The following LTA4H variants were observed in gnomAD, a reference collection of about 807,000 sequenced individuals.
LTA4H encodes the protein leukotriene A-4 hydrolase.
LTA4H carries 59 observed loss-of-function variants against 89.8 expected under a neutral mutation model. That is an observed-to-expected ratio of 0.66 (90% CI 0.53 to 0.82). The LOEUF (loss-of-function observed/expected upper bound fraction) is 0.82. LTA4H is among the 40% of genes least tolerant of loss of function. The pLI is 0.00. For missense variants in LTA4H, 617 were observed against 727.0 expected (o/e 0.85, Z 1.74); for synonymous variants, 227 against 253.1 (o/e 0.90, Z 0.98).
At chr12:96,027,708 C>CCACTGATGGG in intron 2 of LTA4H, 144 bp from the exon 3 acceptor site, 1 of 447,036 alleles carries the variant, frequency 2.2e-6, no homozygotes, top group South Asian at 3.2e-5. Context: ...ATGCCACATC[C>CCACTGATGGG]TCAGTGGGTA....
At chr12:96,025,872 T>C (rs975441043) in intron 3 of LTA4H, among the ~76,000 whole-genome samples, 8 of 151,528 alleles carry the variant, frequency 5.3e-5, no homozygotes, top group African/African-American at 1.9e-4. Flanking sequence ...ACCCGGTCTG[T>C]TTACAAATAA....
In LTA4H at chr12:96,035,475, G is replaced by A; in HGVS notation, c.45C>T (p.Ser15=). ...GGTGCAGGTGCTTGGTCCGGCAGAC[G>A]GAAGCCGGAGAGGCCAACGAACAGG... ...VDTCSLASPA[S]VCRTKHLHLR... is the part of the protein sequence containing the mutation. Residue 15 remains serine, a synonymous_variant, in exon 1 of 19, where the codon TCC becomes TCT. Coordinates refer to ENST00000228740, the MANE Select transcript of LTA4H (RefSeq NM_000895.3). 2.5e-6 allele frequency: 4 copies of A among 1,609,072 alleles called. No individual in the cohort carries two copies. Among genetic ancestry groups the A allele is most frequent in the Non-Finnish European group, 3.4e-6 (4 of 1,177,814 alleles).
chr12:96,014,638 G>A (rs1458326980), intron 12 of LTA4H, among the ~76,000 whole-genome samples: 2 of 152,032 alleles, frequency 1.3e-5, no homozygotes, highest in African/African-American at 2.4e-5. Context: ...AAACTGATGA[G>A]ATTTTTTAAA....
upstream of LTA4H, among the ~76,000 whole-genome samples, chr12:96,038,209 C>T (rs976677943): frequency 1.3e-5 from 2 of 151,982 alleles, no homozygotes; most frequent in Non-Finnish European, 2.9e-5. Context: ...TCAAAAGTGA[C>T]GAAATTTAGC....
chr12:96,013,074 C>T (rs1950326674), intron 14 of LTA4H, 114 bp downstream of exon 14: 2 of 805,122 alleles, frequency 2.5e-6, no homozygotes, highest in Non-Finnish European at 4.2e-6. Flanking sequence ...AAGAACTCTG[C>T]TTTCATCATT....
chr12:96,007,120 G>C (rs1355028645), intron 15 of LTA4H, among the ~76,000 whole-genome samples: 17 of 152,124 alleles, frequency 1.1e-4, no homozygotes, highest in Admixed American at 1.1e-3. Context: ...CTGTCTCCAA[G>C]TACTACTCCT....
chr12:96,006,502 A>G, intron 15 of LTA4H, 93 bp from the exon 16 acceptor site: 2 of 643,508 alleles, frequency 3.1e-6, no homozygotes, highest in Non-Finnish European at 5.3e-6. Flanking sequence ...TGAGAAAAAG[A>G]ACCATATGAA....
intron 6 of LTA4H, chr12:96,020,750 A>G (rs1364473965): frequency 5.3e-6 from 1 of 187,786 alleles, no homozygotes; most frequent in African/African-American, 2.4e-5. Context: ...TTTGTTTCAC[A>G]TAACCACCCT....
At position 96,030,902 on chromosome 12, in the gene LTA4H, T is replaced by C. The variant is rs895853682; in HGVS notation, c.160-1717A>G. Among the ~76,000 whole-genome samples the C allele has an allele frequency of 3.9e-5, 6 of 152,320 alleles. 1 individual carries two copies. Among genetic ancestry groups the C allele is most frequent in the Admixed American group, 3.9e-4 (6 of 15,296 alleles). On this transcript the variant is annotated intron_variant, in intron 1 of 18. Transcript: ENST00000228740. ...CATATTCTAGTACCTCTCTAGTCTCTTCATAGTCTAGTACCTAGTTCTGAA... is the reference window on the plus strand; with the variant it reads ...CATATTCTAGTACCTCTCTAGTCTCCTCATAGTCTAGTACCTAGTTCTGAA...
Position 96,000,928 on chromosome 12 carries a change from T to C in LTA4H, c.*61A>G, listed in dbSNP as rs1366875269. On this transcript the variant is annotated 3_prime_UTR_variant, in exon 19 of 19. Coordinates refer to ENST00000228740, the MANE Select transcript of LTA4H (RefSeq NM_000895.3). ...GTTTTAATTGTGAGCTGAAGTTTTA[T>C]ATTTCTTTACGAATTCCATTTAAAA... 4.2e-6 allele frequency: 5 copies of C among 1,187,998 alleles called. No homozygotes were observed. The African/African-American group carries it at 6.1e-5, about 14-fold the overall frequency. The allele number at this position is 1,187,998 out of a possible 1,614,324, so 73.6% of individuals were successfully genotyped here. A position where few individuals can be genotyped will look rare whatever the true frequency, so the allele number is the denominator to read the frequency against.
chr12:96,019,108 C>T (rs375217111), intron 7 of LTA4H, 60 bp downstream of exon 7: 5 of 1,476,746 alleles, frequency 3.4e-6, no homozygotes, highest in East Asian at 4.6e-5. Context: ...ACATTTCACA[C>T]TCAAAATCTT....
In LTA4H at chr12:96,006,481, A is replaced by C. The variant is rs185191242; in HGVS notation, c.1435-72T>G. On this transcript the variant is annotated intron_variant, in intron 15 of 18. Transcript: ENST00000228740. Reference sequence around the variant, plus strand: ...AATACTTATTGGTTTATCTGACATAAAAGTAAAAATTGAGAAAAAGAACCA... The same window carrying C: ...AATACTTATTGGTTTATCTGACATACAAGTAAAAATTGAGAAAAAGAACCA... The C allele has an allele frequency of 6.6e-3, 5,539 of 833,108 alleles. 36 individuals are homozygous for C. The highest frequency in any genetic ancestry group is 0.016 in the Middle Eastern group (46 of 2,888). The allele number at this position is 833,108 out of a possible 1,614,324, so 51.6% of individuals were successfully genotyped here.
chr12:96,033,803 C>T (rs1163272688), intron 1 of LTA4H, among the ~76,000 whole-genome samples: 4 of 152,142 alleles, frequency 2.6e-5, no homozygotes, highest in Admixed American at 2.0e-4. Context: ...TGAGAACATG[C>T]GGTGTTTAGT....
chr12:96,041,311 A>G (rs962764321), intron 1 of LTA4H, among the ~76,000 whole-genome samples: 1 of 152,046 alleles, frequency 6.6e-6, no homozygotes, highest in African/African-American at 2.4e-5. Context: ...TGAGAACCCT[A>G]ATTTTCTGAG....
chr12:96,040,043 G>A (rs1299057664), upstream of LTA4H, among the ~76,000 whole-genome samples: 1 of 152,210 alleles, frequency 6.6e-6, no homozygotes, highest in East Asian at 1.9e-4. Flanking sequence ...CTATCCCTTT[G>A]GAGAAAGTCA....
intron 2 of LTA4H, among the ~76,000 whole-genome samples, 172 bp downstream of exon 2, chr12:96,028,883 T>A (rs117094873): frequency 6.6e-6 from 1 of 152,234 alleles, no homozygotes; most frequent in Non-Finnish European, 1.5e-5. Context: ...CTTAAGTATA[T>A]ATAATTTTAA....
chr12:96,035,892 T>C (rs1950637280), upstream of LTA4H, among the ~76,000 whole-genome samples: 1 of 152,214 alleles, frequency 6.6e-6, no homozygotes. Context: ...ATTTTGGCTC[T>C]GTTCAACTTT....
chr12:96,029,882 T>C (rs941727823), intron 1 of LTA4H, among the ~76,000 whole-genome samples: 3 of 152,168 alleles, frequency 2.0e-5, no homozygotes, highest in African/African-American at 7.2e-5. Flanking sequence ...CACAAGACTG[T>C]TTCCTAACAA....
chr12:96,003,196 G>A, intron 17 of LTA4H, 132 bp from the exon 18 acceptor site: 1 of 559,828 alleles, frequency 1.8e-6, no homozygotes, highest in Non-Finnish European at 3.1e-6. Flanking sequence ...CCACTTTATG[G>A]TATGTCTTGA....
Sources: allele counts gnomAD v4.1 joint callset (sites outside exome capture counted in the v4.1 genomes callset), GRCh38; gene constraint gnomAD v4.1.1; transcripts MANE v1.5; gene names NCBI Gene and HGNC (gene_info 2026-07-23, HGNC 2026-07-21).